The following ATP8A2 variants were observed in gnomAD, a reference collection of about 807,000 sequenced individuals.
ATP8A2 encodes ATPase phospholipid transporting 8A2.
Under a neutral mutation model 165.6 loss-of-function variants are expected in ATP8A2, and 100 were observed. The observed-to-expected ratio is 0.60, with a 90% CI of 0.51 to 0.71. ATP8A2 has a LOEUF of 0.71. Among genes scored for constraint, ATP8A2 ranks in the 30% least tolerant of loss-of-function variants. The pLI, the probability that ATP8A2 is intolerant of heterozygous loss-of-function variation, is 0.00. For synonymous variants in ATP8A2, 543 were observed against 548.8 expected (o/e 0.99, Z 0.15); for missense variants, 1,227 against 1,479.5 (o/e 0.83, Z 2.80).
intron 26 of ATP8A2, among the ~76,000 whole-genome samples, chr13:25,769,870 C>T (rs1487264076): frequency 3.3e-5 from 5 of 152,186 alleles, no homozygotes; most frequent in African/African-American, 9.6e-5. Flanking sequence ...ATCCGAGCCT[C>T]GCATGCCAGG....
chr13:25,940,901 G>A (rs1262948731), intron 33 of ATP8A2, among the ~76,000 whole-genome samples: 3 of 152,312 alleles, frequency 2.0e-5, no homozygotes, highest in Admixed American at 6.5e-5. Flanking sequence ...CAACAGCAAC[G>A]TGGGTTGTCA....
intron 1 of ATP8A2, among the ~76,000 whole-genome samples, chr13:25,430,165 A>C (rs1406202519): frequency 1.3e-5 from 2 of 152,116 alleles, no homozygotes; most frequent in African/African-American, 2.4e-5. Context: ...GCAGCTATAA[A>C]TGTGGGCTCG....
intron 24 of ATP8A2, among the ~76,000 whole-genome samples, chr13:25,612,627 G>A (rs1166229442): frequency 6.6e-6 from 1 of 152,176 alleles, no homozygotes; most frequent in Non-Finnish European, 1.5e-5. Context: ...TGGGTAGAAT[G>A]TTTTGTAAAT....
intron 7 of ATP8A2, 33 bp downstream of exon 7, chr13:25,538,094 T>C (rs1462550913): frequency 6.4e-7 from 1 of 1,563,534 alleles, no homozygotes; most frequent in Admixed American, 1.7e-5. Context: ...TTTTTTGCAA[T>C]AAATGTTAAG....
intron 33 of ATP8A2, among the ~76,000 whole-genome samples, chr13:25,914,945 G>A (rs926268149): frequency 6.6e-6 from 1 of 152,166 alleles, no homozygotes; most frequent in East Asian, 1.9e-4. Flanking sequence ...CACCTTTCAA[G>A]CACCAAACTC....
chr13:25,792,728 A>G (rs2138413563), intron 27 of ATP8A2, among the ~76,000 whole-genome samples: 1 of 152,058 alleles, frequency 6.6e-6, no homozygotes, highest in African/African-American at 2.4e-5. Flanking sequence ...GTTGGCAACA[A>G]AGTGAGACCT....
chr13:25,787,962 A>T (rs586546), intron 27 of ATP8A2, among the ~76,000 whole-genome samples: 2 of 152,242 alleles, frequency 1.3e-5, no homozygotes, highest in African/African-American at 4.8e-5. Flanking sequence ...CCCTTTCTGC[A>T]CAGAAGAAAT....
At chr13:25,567,514 T>A (rs142201986) in intron 16 of ATP8A2, among the ~76,000 whole-genome samples, 80 of 152,250 alleles carry the variant, frequency 5.3e-4, no homozygotes, top group African/African-American at 1.8e-3. Context: ...GCAACCCCTG[T>A]GAAAAGGAAG....
intron 28 of ATP8A2, among the ~76,000 whole-genome samples, chr13:25,833,752 A>T (rs113374418): frequency 1.1e-4 from 16 of 152,350 alleles, no homozygotes; most frequent in African/African-American, 3.8e-4. Flanking sequence ...TCCTGGAAAC[A>T]TGTACTTTTC....
intron 1 of ATP8A2, among the ~76,000 whole-genome samples, chr13:25,385,398 A>G (rs1291607457): frequency 1.3e-5 from 2 of 152,230 alleles, no homozygotes; most frequent in Non-Finnish European, 2.9e-5. Context: ...TTCCTCCTCT[A>G]TAAAATGTCA....
Position 25,923,348 on chromosome 13 carries a change from G to T in ATP8A2, c.3184-38227G>T, listed in dbSNP as rs78463494. On this transcript the variant is annotated intron_variant, in intron 33 of 36. Transcript: ENST00000381655. The stretch of plus-strand genomic sequence containing the variant: ...TTTGCCTCCTACAAGCCAGCACACC[G>T]CAAGACATTTGGGACAGAAAGGGTA... 1.2e-4 allele frequency among the ~76,000 whole-genome samples: 18 copies of T among 152,200 alleles called. No homozygotes were observed. The East Asian group carries it at 3.5e-3, about 29-fold the overall frequency.
intron 25 of ATP8A2, among the ~76,000 whole-genome samples, chr13:25,715,473 C>G (rs979842412): frequency 6.6e-6 from 1 of 152,040 alleles, no homozygotes; most frequent in African/African-American, 2.4e-5. Flanking sequence ...AAAAAGAAAC[C>G]CTGTACCAAT....
intron 25 of ATP8A2, among the ~76,000 whole-genome samples, chr13:25,712,217 CT>C (rs1448692580): frequency 1.3e-5 from 2 of 152,124 alleles, no homozygotes; most frequent in Admixed American, 1.3e-4. Flanking sequence ...TGCTCTTTGA[CT>C]TTTGGCTTAA....
chr13:25,423,427 C>T (rs942281947), intron 1 of ATP8A2, among the ~76,000 whole-genome samples: 1 of 152,068 alleles, frequency 6.6e-6, no homozygotes. Context: ...GCTGAGTGAT[C>T]CTTGGTCATG....
intron 1 of ATP8A2, among the ~76,000 whole-genome samples, chr13:25,388,473 G>C (rs1005411160): frequency 1.3e-5 from 2 of 152,212 alleles, no homozygotes; most frequent in Admixed American, 6.5e-5. Context: ...AGGACTCTAA[G>C]GGGGTCCGTG....
intron 27 of ATP8A2, 30 bp from the exon 28 acceptor site, chr13:25,828,088 T>A (rs779038610): frequency 7.6e-6 from 12 of 1,584,670 alleles, no homozygotes; most frequent in Non-Finnish European, 1.0e-5. Context: ...AATATTGATA[T>A]AAAACTTCAT....
intron 2 of ATP8A2, among the ~76,000 whole-genome samples, chr13:25,481,812 C>T (rs771608698): frequency 8.6e-5 from 13 of 152,020 alleles, no homozygotes; most frequent in South Asian, 2.1e-4. Context: ...AGAGCAAGAG[C>T]GAGAGTGAAG....
chr13:25,399,767 C>T (rs537310627), intron 1 of ATP8A2, among the ~76,000 whole-genome samples: 1 of 150,010 alleles, frequency 6.7e-6, no homozygotes, highest in African/African-American at 2.4e-5. Flanking sequence ...CCTCTTCCTC[C>T]TCCTCCTCTT....
chr13:25,468,754 C>T, intron 1 of ATP8A2: 1 of 861,004 alleles, frequency 1.2e-6, no homozygotes, highest in South Asian at 5.3e-5. Context: ...CCAGGGGCCG[C>T]GCGGGGCGTG....
Sources: allele counts gnomAD v4.1 joint callset (sites outside exome capture counted in the v4.1 genomes callset), GRCh38; gene constraint gnomAD v4.1.1; transcripts MANE v1.5; gene names NCBI Gene and HGNC (gene_info 2026-07-23, HGNC 2026-07-21).